The following NKAIN2 variants were observed in gnomAD, a reference collection of about 807,000 sequenced individuals.
NKAIN2 encodes sodium/potassium-transporting ATPase subunit beta-1-interacting protein 2.
A neutral mutation model predicts 32.6 loss-of-function variants in NKAIN2; 14 were observed. The ratio of observed to expected loss-of-function variants is 0.43; its 90% CI spans 0.28 to 0.67. The LOEUF is 0.67. Ranked by LOEUF, NKAIN2 falls within the 30% of genes least tolerant of loss-of-function variation. The pLI is 0.17. For missense variants in NKAIN2, 198 were observed against 258.3 expected, an observed-to-expected ratio of 0.77 and a Z score of 1.60; for synonymous variants, 80 against 87.2, an observed-to-expected ratio of 0.92 and a Z score of 0.46.
At chr6:124,085,185 C>T (rs187705368) in intron 1 of NKAIN2, among the ~76,000 whole-genome samples, 1 of 152,062 alleles carries the variant, frequency 6.6e-6, no homozygotes, top group African/African-American at 2.4e-5. Context: ...TTATGCTCAT[C>T]AGTTGGAATT....
At chr6:124,403,262 C>T (rs965008307) in intron 3 of NKAIN2, among the ~76,000 whole-genome samples, 1 of 151,670 alleles carries the variant, frequency 6.6e-6, no homozygotes, top group Non-Finnish European at 1.5e-5. Context: ...CTTTTAAATT[C>T]CATTTTTAAA....
intron 4 of NKAIN2, among the ~76,000 whole-genome samples, chr6:124,661,030 T>G (rs1395594406): frequency 6.6e-6 from 1 of 152,096 alleles, no homozygotes; most frequent in Non-Finnish European, 1.5e-5. Context: ...ATTAAATCAG[T>G]CTAGTGGAAA....
intron 1 of NKAIN2, among the ~76,000 whole-genome samples, chr6:123,958,308 A>T (rs758501082): frequency 7.2e-5 from 11 of 152,232 alleles, no homozygotes; most frequent in Non-Finnish European, 1.5e-4. Flanking sequence ...CTGAAACCAT[A>T]TACTGTCCCA....
intron 1 of NKAIN2, among the ~76,000 whole-genome samples, chr6:124,072,334 A>G (rs1292896329): frequency 1.3e-5 from 2 of 152,092 alleles, no homozygotes; most frequent in African/African-American, 2.4e-5. Context: ...AAATGGGGAA[A>G]GACTGAAAAA....
rs1171493478 is a variant in NKAIN2 at position 123,976,686 on chromosome 6, T to C, written c.54+172432T>C. Reference sequence around the variant, plus strand: ...CAAACACACCCTGCAAGTTAACATATAAAATTAACTATCATGCATCATATA... The same window carrying C: ...CAAACACACCCTGCAAGTTAACATACAAAATTAACTATCATGCATCATATA... On this transcript the variant is annotated intron_variant, in intron 1 of 6. Coordinates refer to ENST00000368417, the MANE Select transcript of NKAIN2 (RefSeq NM_001040214.3). Among the ~76,000 whole-genome samples, 4 of 152,012 alleles carry C rather than the reference T, an allele frequency of 2.6e-5. No individual in the cohort carries two copies. In the South Asian group the frequency reaches 8.3e-4, roughly 32 times the overall value.
chr6:124,434,200 G>A (rs376654702), intron 3 of NKAIN2, among the ~76,000 whole-genome samples: 30 of 152,278 alleles, frequency 2.0e-4, no homozygotes, highest in South Asian at 2.1e-4. Flanking sequence ...TTACTCTGAA[G>A]TAGAAAAACA....
intron 4 of NKAIN2, among the ~76,000 whole-genome samples, chr6:124,727,891 A>C (rs1776417913): frequency 1.3e-5 from 2 of 148,220 alleles, no homozygotes; most frequent in South Asian, 4.5e-4. Flanking sequence ...AAACAAAAAA[A>C]GGCAGGGGTT....
At chr6:124,268,096 C>T (rs1794586307) in intron 1 of NKAIN2, among the ~76,000 whole-genome samples, 1 of 152,016 alleles carries the variant, frequency 6.6e-6, no homozygotes, top group Non-Finnish European at 1.5e-5. Context: ...CATGTAATAA[C>T]AAGTAAAATT....
At chr6:124,573,380 A>C (rs1781206228) in intron 3 of NKAIN2, among the ~76,000 whole-genome samples, 1 of 151,962 alleles carries the variant, frequency 6.6e-6, no homozygotes, top group African/African-American at 2.4e-5. Context: ...TTACGCACCA[A>C]GACCTGCTGA....
intron 4 of NKAIN2, among the ~76,000 whole-genome samples, chr6:124,767,357 G>T (rs1201815385): frequency 6.6e-6 from 1 of 151,974 alleles, no homozygotes; most frequent in African/African-American, 2.4e-5. Flanking sequence ...TGACTGACAG[G>T]TAACCATAAA....
chr6:124,759,655 A>ACACAC lies in NKAIN2; in HGVS notation c.475-31683_475-31682insACACC, dbSNP rs1562367638. On this transcript the variant is annotated intron_variant, in intron 4 of 6. Transcript: ENST00000368417. ...CACACACACACACACACACACACAC[A>ACACAC]CCCCCTATCTCCCTTTCCTGCCTTA... Among the ~76,000 whole-genome samples, 3 of 53,078 alleles carry ACACAC rather than the reference A, an allele frequency of 5.7e-5. 1 individual carries two copies. Among genetic ancestry groups the ACACAC allele is most frequent in the African/African-American group, 1.7e-4 (3 of 17,568 alleles). 34.8% of individuals were successfully genotyped at this position (53,078 alleles called of 152,430 possible). A position where few individuals can be genotyped will look rare whatever the true frequency, so the allele number is the denominator to read the frequency against.
At chr6:124,170,758 C>T (rs1377708943) in intron 1 of NKAIN2, among the ~76,000 whole-genome samples, 4 of 151,988 alleles carry the variant, frequency 2.6e-5, no homozygotes, top group East Asian at 3.9e-4. Flanking sequence ...GTTTTAGTTC[C>T]GTGGATGTTC....
At chr6:123,923,914 A>G (rs1017400808) in intron 1 of NKAIN2, among the ~76,000 whole-genome samples, 1 of 151,710 alleles carries the variant, frequency 6.6e-6, no homozygotes, top group Non-Finnish European at 1.5e-5. Flanking sequence ...CACAATGTGC[A>G]CATGTACCCT....
chr6:124,094,239 C>T (rs1452250665), intron 1 of NKAIN2, among the ~76,000 whole-genome samples: 1 of 152,108 alleles, frequency 6.6e-6, no homozygotes, highest in African/African-American at 2.4e-5. Context: ...GAGATTTGTT[C>T]TCTAGTTGTT....
chr6:124,110,541 A>G (rs2114968791), intron 1 of NKAIN2, among the ~76,000 whole-genome samples: 1 of 152,100 alleles, frequency 6.6e-6, no homozygotes, highest in African/African-American at 2.4e-5. Context: ...TTCACCCCAC[A>G]TCTCCTTCTT....
intron 2 of NKAIN2, among the ~76,000 whole-genome samples, chr6:124,309,337 AC>A (rs1796627879): frequency 1.3e-5 from 2 of 152,112 alleles, no homozygotes; most frequent in Non-Finnish European, 2.9e-5. Context: ...AGGAAATCAC[AC>A]CAAAAGCATT....
chr6:124,001,117 G>C (rs1330757105), intron 1 of NKAIN2, among the ~76,000 whole-genome samples: 1 of 151,804 alleles, frequency 6.6e-6, no homozygotes, highest in Non-Finnish European at 1.5e-5. Context: ...CCAAATTTGG[G>C]GTACCATCCA....
In NKAIN2 at chr6:124,824,877, C is replaced by T. The variant is rs999688706; in HGVS notation, c.*1648C>T. The stretch of plus-strand genomic sequence containing the variant: ...TGTTTGCATGGATGTCTGTAATATA[C>T]ACACACATATACATTTGAAAATGAT... On this transcript the variant is annotated 3_prime_UTR_variant, in exon 7 of 7. Transcript: ENST00000368417. 1.1e-4 allele frequency: 17 copies of T among 152,252 alleles called. No homozygotes were observed. The highest frequency in any genetic ancestry group is 3.6e-4 in the African/African-American group (15 of 41,412). The allele number at this position is 152,252 out of a possible 1,614,324, so 9.4% of individuals were successfully genotyped here.
At chr6:124,346,012 C>G (rs909957816) in intron 2 of NKAIN2, among the ~76,000 whole-genome samples, 59 of 151,860 alleles carry the variant, frequency 3.9e-4, no homozygotes, top group African/African-American at 1.4e-3. Context: ...TGAATGTGTC[C>G]TAGAGATTGT....
Sources: allele counts gnomAD v4.1 joint callset (sites outside exome capture counted in the v4.1 genomes callset), GRCh38; gene constraint gnomAD v4.1.1; transcripts MANE v1.5; gene names NCBI Gene and HGNC (gene_info 2026-07-23, HGNC 2026-07-21).